The following DCUN1D4 variants were observed in gnomAD, a reference collection of about 807,000 sequenced individuals.
DCUN1D4 encodes DCN1-like protein 4.
A neutral mutation model predicts 47.9 loss-of-function variants in DCUN1D4; 22 were observed. The ratio of observed to expected loss-of-function variants is 0.46; its 90% CI spans 0.33 to 0.66. DCUN1D4 has a LOEUF of 0.66. DCUN1D4 is among the 30% of genes least tolerant of loss of function. The pLI is 0.02. For missense variants in DCUN1D4, 301 were observed against 340.8 expected, an observed-to-expected ratio of 0.88 and a Z score of 0.92; for synonymous variants, 121 against 112.2, an observed-to-expected ratio of 1.08 and a Z score of -0.50.
At chr4:51,864,723 A>AATC (rs1202246411) in intron 3 of DCUN1D4, among the ~76,000 whole-genome samples, 2 of 152,192 alleles carry the variant, frequency 1.3e-5, no homozygotes, top group Non-Finnish European at 2.9e-5. Flanking sequence ...TCCCTGACCT[A>AATC]ATTGCCTCCC....
intron 9 of DCUN1D4, among the ~76,000 whole-genome samples, chr4:51,911,502 C>T (rs555714952): frequency 1.3e-5 from 2 of 152,212 alleles, no homozygotes; most frequent in African/African-American, 4.8e-5. Context: ...AGAAGATTTA[C>T]TTTCTTTTGA....
At chr4:51,901,470 T>C (rs938657805) in intron 8 of DCUN1D4, among the ~76,000 whole-genome samples, 8 of 152,226 alleles carry the variant, frequency 5.3e-5, no homozygotes, top group Non-Finnish European at 7.3e-5. Context: ...ATGATGAAAT[T>C]GCACTAACGG....
At chr4:51,835,586 A>G in the DCUN1D4 span, among the ~76,000 whole-genome samples, 1 of 152,102 alleles carries the variant, frequency 6.6e-6, no homozygotes, top group African/African-American at 2.4e-5. Flanking sequence ...AATAAGAGAG[A>G]AGCTATTGTG....
At chr4:51,872,011 A>T in intron 3 of DCUN1D4, among the ~76,000 whole-genome samples, 1 of 152,208 alleles carries the variant, frequency 6.6e-6, no homozygotes, top group East Asian at 1.9e-4. Flanking sequence ...CTCTACTCCA[A>T]TCCTTGGAAG....
chr4:51,842,761 G>A (rs970649734), upstream of DCUN1D4, among the ~76,000 whole-genome samples: 1 of 152,232 alleles, frequency 6.6e-6, no homozygotes, highest in Non-Finnish European at 1.5e-5. Context: ...GAAACACTTC[G>A]CGTGCTTTGT....
intron 3 of DCUN1D4, among the ~76,000 whole-genome samples, chr4:51,866,460 TC>T (rs1208172495): frequency 6.6e-6 from 1 of 152,164 alleles, no homozygotes; most frequent in Non-Finnish European, 1.5e-5. Flanking sequence ...ACTTTTCCAC[TC>T]AGTATATCCT....
rs1279361432 is a variant in DCUN1D4, at chr4:51,913,656, T to C, written c.*72T>C. On this transcript the variant is annotated 3_prime_UTR_variant, in exon 11 of 11. Transcript: ENST00000334635. ...CACCCATTAGCCATAAATTGCTGTT[T>C]GTATCAAAGCGCATGCTGCTTCTCT... The C allele has an allele frequency of 3.6e-5, 50 of 1,394,954 alleles. No individual in the cohort carries two copies. The highest frequency in any genetic ancestry group is 4.8e-5 in the Non-Finnish European group (47 of 987,260). 86.4% of individuals were successfully genotyped at this position (1,394,954 alleles called of 1,614,324 possible).
At chr4:51,837,638 G>C in the DCUN1D4 span, among the ~76,000 whole-genome samples, 2 of 91,128 alleles carry the variant, frequency 2.2e-5, no homozygotes, top group African/African-American at 8.7e-5. Context: ...CTGGGCGACA[G>C]AACGAGACTC....
the DCUN1D4 span, among the ~76,000 whole-genome samples, chr4:51,837,989 C>T: frequency 5.3e-5 from 8 of 152,018 alleles, no homozygotes; most frequent in Non-Finnish European, 8.8e-5. Flanking sequence ...ACCAGCCTGA[C>T]CAACATGGTG....
At chr4:51,860,433 C>T (rs1005888212) in intron 1 of DCUN1D4, 4 of 340,544 alleles carry the variant, frequency 1.2e-5, no homozygotes, top group Non-Finnish European at 2.4e-5. Flanking sequence ...TTATGAACAT[C>T]AGTTGCTGGT....
At position 51,863,709 on chromosome 4, in the gene DCUN1D4, G is replaced by A. The variant is rs1322467198; in HGVS notation, c.136G>A (p.Gly46Arg). Residue 46 changes from glycine to arginine, a missense_variant and splice_region_variant, in exon 3 of 11, where the codon GGA (glycine) becomes AGA (arginine). Gly to Arg is a moderately radical substitution (Grantham distance 125, BLOSUM62 -2). Transcript: ENST00000334635. Reference sequence around the variant, plus strand: ...CATTGGCCAAGACGATCACCAAACAGGTATCTGTAAATGCTAACACTACTT... The same window carrying A: ...CATTGGCCAAGACGATCACCAAACAAGTATCTGTAAATGCTAACACTACTT... ...EDIGQDDHQTGSLRSCSSSDC... is the reference protein window; with the variant it reads ...EDIGQDDHQTRSLRSCSSSDC... The A allele has an allele frequency of 1.2e-5, 19 of 1,612,602 alleles. No homozygotes were observed. Among genetic ancestry groups the A allele is most frequent in the Non-Finnish European group, 1.4e-5 (17 of 1,179,568 alleles).
chr4:51,902,295 T>C (rs978726102), intron 8 of DCUN1D4, among the ~76,000 whole-genome samples: 3 of 152,242 alleles, frequency 2.0e-5, no homozygotes, highest in Admixed American at 6.5e-5. Context: ...AGTTAGCTGA[T>C]AGTGTCTTTC....
At chr4:51,893,914 C>G (rs566428076) in intron 7 of DCUN1D4, among the ~76,000 whole-genome samples, 4 of 152,248 alleles carry the variant, frequency 2.6e-5, no homozygotes, top group African/African-American at 9.6e-5. Flanking sequence ...AAAGAATGTC[C>G]CTCTACAAAA....
chr4:51,841,252 T>C (rs1171765174), upstream of DCUN1D4, among the ~76,000 whole-genome samples: 1 of 151,702 alleles, frequency 6.6e-6, no homozygotes, highest in Non-Finnish European at 1.5e-5. Flanking sequence ...AAAAAAAAAA[T>C]CATAAATATT....
chr4:51,877,941 C>A, intron 5 of DCUN1D4, 87 bp downstream of exon 5: 1 of 949,956 alleles, frequency 1.1e-6, no homozygotes, highest in Non-Finnish European at 1.6e-6. Context: ...AAAATGTGTA[C>A]ATTTCAAATT....
At chr4:51,835,722 G>A in the DCUN1D4 span, among the ~76,000 whole-genome samples, 1 of 152,014 alleles carries the variant, frequency 6.6e-6, no homozygotes, top group East Asian at 1.9e-4. Flanking sequence ...GTGAGGGAAT[G>A]CCATGATGAG....
the DCUN1D4 span, among the ~76,000 whole-genome samples, chr4:51,835,696 G>A: frequency 1.3e-5 from 2 of 152,064 alleles, no homozygotes; most frequent in Non-Finnish European, 2.9e-5. Flanking sequence ...GAGCTGCTTG[G>A]GGCCTCGGGT....
At chr4:51,871,266 T>C (rs1726852754) in intron 3 of DCUN1D4, among the ~76,000 whole-genome samples, 1 of 152,176 alleles carries the variant, frequency 6.6e-6, no homozygotes. Context: ...TTGTGAAACT[T>C]TTAATAGAAA....
intron 7 of DCUN1D4, 123 bp from the exon 8 acceptor site, chr4:51,899,147 A>G (rs1731724733): frequency 7.2e-7 from 1 of 1,392,964 alleles, no homozygotes. Context: ...AAAATAGGTT[A>G]TGGATGTGTT....
Sources: allele counts gnomAD v4.1 joint callset (sites outside exome capture counted in the v4.1 genomes callset), GRCh38; gene constraint gnomAD v4.1.1; transcripts MANE v1.5; gene names NCBI Gene and HGNC (gene_info 2026-07-23, HGNC 2026-07-21).